EFCAB7: variants seen among roughly 807,000 people sequenced by gnomAD.
EFCAB7 encodes the protein EF-hand calcium-binding domain-containing protein 7.
A neutral mutation model predicts 77.1 loss-of-function variants in EFCAB7; 66 were observed. The observed-to-expected ratio is 0.86, with a 90% confidence interval of 0.70 to 1.05. The LOEUF is 1.05. Among genes scored for constraint, EFCAB7 ranks in the 50% least tolerant of loss-of-function variants. The pLI is 0.00. For missense variants in EFCAB7, 638 were observed against 730.5 expected (o/e 0.87, Z 1.46); for synonymous variants, 225 against 243.3 (o/e 0.92, Z 0.70).
At chr1:63,579,464 T>C in the EFCAB7 span, among the ~76,000 whole-genome samples, 9 of 152,350 alleles carry the variant, frequency 5.9e-5, no homozygotes, top group East Asian at 1.7e-3. Flanking sequence ...ATCTGCTGGG[T>C]GGTTTCCAGT....
At position 63,568,471 on chromosome 1, in the gene EFCAB7, G is replaced by A. The variant is rs1390700713; in HGVS notation, c.1659G>A (p.Val553=). The A allele has an allele frequency of 1.3e-6, 2 of 1,594,910 alleles. No homozygotes were observed. The highest frequency in any genetic ancestry group is 2.3e-5 in the South Asian group (2 of 87,174). Reference sequence around the variant, plus strand: ...TGGATGGCTATGAAAATATAATCGTGCATACTTACAGTTGTGACACCTGGA... The same window carrying A: ...TGGATGGCTATGAAAATATAATCGTACATACTTACAGTTGTGACACCTGGA... ...KVMDGYENII[V]HTYSCDTWIT... The change falls in exon 12 of 14, where the codon GTG becomes GTA. Residue 553 remains valine, a synonymous_variant. Coordinates refer to ENST00000371088, the MANE Select transcript of EFCAB7 (RefSeq NM_032437.4).
At chr1:63,525,903 G>A (rs1646580841) in intron 2 of EFCAB7, 144 bp downstream of exon 2, 4 of 578,592 alleles carry the variant, frequency 6.9e-6, no homozygotes, top group Middle Eastern at 4.6e-4. Flanking sequence ...AAGCTATTAT[G>A]TCATATCATA....
intron 13 of EFCAB7, 30 bp downstream of exon 13, chr1:63,571,158 T>C: frequency 6.6e-7 from 1 of 1,522,748 alleles, no homozygotes; most frequent in Admixed American, 2.0e-5. Context: ...TTAAAGCCTT[T>C]TGTTTTATGT....
At chr1:63,530,865 T>C (rs1646682963) in intron 2 of EFCAB7, among the ~76,000 whole-genome samples, 2 of 152,224 alleles carry the variant, frequency 1.3e-5, no homozygotes, top group South Asian at 4.1e-4. Context: ...CATTAAGATA[T>C]TTGTTTTTTA....
At position 63,572,567 on chromosome 1, in the gene EFCAB7, GTTAT is replaced by G. The variant is rs751404273; in HGVS notation, c.*57_*60del. 95 of 1,311,874 alleles carry G rather than the reference GTTAT, an allele frequency of 7.2e-5. No individual in the cohort carries two copies. The highest frequency in any genetic ancestry group is 9.5e-5 in the Non-Finnish European group (93 of 981,778). 81.3% of individuals were successfully genotyped at this position (1,311,874 alleles called of 1,614,324 possible). A position where few individuals can be genotyped will look rare whatever the true frequency, so the allele number is the denominator to read the frequency against. ...CTAAGAATTATTTCAGATTTAGTCTGTTATTTATTAAACAACTAAATGCTACTTA... is the reference window on the plus strand; with the variant it reads ...CTAAGAATTATTTCAGATTTAGTCTGTTATTAAACAACTAAATGCTACTTA... On this transcript the variant is annotated 3_prime_UTR_variant, in exon 14 of 14. Transcript: ENST00000371088.
At chr1:63,538,539 C>T (rs184848679) in intron 6 of EFCAB7, among the ~76,000 whole-genome samples, 33 of 152,072 alleles carry the variant, frequency 2.2e-4, no homozygotes, top group Admixed American at 1.3e-3. Context: ...CTGCAACCTC[C>T]GCCTCCCGAG....
At chr1:63,538,037 C>T (rs992840645) in intron 6 of EFCAB7, among the ~76,000 whole-genome samples, 3 of 151,948 alleles carry the variant, frequency 2.0e-5, no homozygotes, top group African/African-American at 4.8e-5. Flanking sequence ...TTCAGCATTT[C>T]GTTATATATT....
chr1:63,580,425 T>C, the EFCAB7 span, among the ~76,000 whole-genome samples: 12 of 152,184 alleles, frequency 7.9e-5, no homozygotes, highest in African/African-American at 2.7e-4. Context: ...TTCTGTTCCA[T>C]TGATCGATGT....
At chr1:63,566,938 T>C (rs1194197362) in intron 11 of EFCAB7, among the ~76,000 whole-genome samples, 3 of 151,182 alleles carry the variant, frequency 2.0e-5, no homozygotes, top group Admixed American at 6.6e-5. Context: ...TTTCTGTTTA[T>C]AGTCTACTAA....
At chr1:63,577,138 CA>C (rs199999557), downstream of EFCAB7, among the ~76,000 whole-genome samples, 11 of 131,294 alleles carry the variant, frequency 8.4e-5, no homozygotes, top group African/African-American at 8.2e-5. Context: ...GAGTAAGACT[CA>C]AAAAAAAAAG....
intron 2 of EFCAB7, chr1:63,527,869 A>G (rs1646622848): frequency 6.6e-6 from 1 of 152,220 alleles, no homozygotes; most frequent in Admixed American, 6.5e-5. Flanking sequence ...TGTGAGAAAA[A>G]GTTACATACC....
chr1:63,525,415 A>T (rs1404547287), intron 1 of EFCAB7, among the ~76,000 whole-genome samples, 157 bp from the exon 2 acceptor site: 1 of 152,200 alleles, frequency 6.6e-6, no homozygotes. Context: ...TTACTTCCAC[A>T]TATAAAACTT....
chr1:63,581,793 A>G, the EFCAB7 span, among the ~76,000 whole-genome samples: 1 of 152,240 alleles, frequency 6.6e-6, no homozygotes, highest in Non-Finnish European at 1.5e-5. Context: ...TATGTCATGA[A>G]TGCATAAAAT....
chr1:63,529,468 C>T (rs1646655642), intron 2 of EFCAB7: 1 of 152,078 alleles, frequency 6.6e-6, no homozygotes, highest in Admixed American at 6.5e-5. Context: ...AATCCCAGCA[C>T]TTTGGGAGGC....
chr1:63,532,347 T>G (rs995022910), intron 3 of EFCAB7, among the ~76,000 whole-genome samples: 8 of 152,090 alleles, frequency 5.3e-5, no homozygotes, highest in Non-Finnish European at 1.2e-4. Flanking sequence ...TAAATGGGAT[T>G]AGGAATCCAT....
At chr1:63,554,271 T>C (rs945980850) in intron 8 of EFCAB7, among the ~76,000 whole-genome samples, 3 of 152,242 alleles carry the variant, frequency 2.0e-5, no homozygotes, top group Non-Finnish European at 2.9e-5. Context: ...CTAGCTTTTA[T>C]AGGAAACCTT....
intron 10 of EFCAB7, among the ~76,000 whole-genome samples, chr1:63,560,368 A>G (rs920878895): frequency 6.6e-6 from 1 of 152,034 alleles, no homozygotes; most frequent in Non-Finnish European, 1.5e-5. Flanking sequence ...ATGTATTTGT[A>G]TTATATGTCA....
At position 63,562,847 on chromosome 1, in the gene EFCAB7, A is replaced by G. The variant is rs375173493; in HGVS notation, c.1497+990A>G. 1.5e-3 allele frequency among the ~76,000 whole-genome samples: 223 copies of G among 152,114 alleles called. 1 individual carries two copies. The highest frequency in any genetic ancestry group is 5.3e-3 in the African/African-American group (218 of 41,500). On this transcript the variant is annotated intron_variant, in intron 11 of 13. Transcript: ENST00000371088. ...TAAAAATAGTATTTGTCCTTTTTCC[A>G]TACTTGAATCAACTTAGGAGGGCAA...
downstream of EFCAB7, among the ~76,000 whole-genome samples, chr1:63,575,376 T>C (rs190602835): frequency 3.9e-3 from 584 of 151,456 alleles, 3 homozygotes; most frequent in African/African-American, 0.013. Context: ...AAACTTAATA[T>C]ATTATATACT....
Sources: gnomAD v4.1 joint callset for allele counts (sites outside exome capture counted in the v4.1 genomes callset) on GRCh38, gnomAD v4.1.1 for gene constraint, MANE v1.5 for transcripts, NCBI Gene and HGNC (gene_info 2026-07-23, HGNC 2026-07-21) for gene names.